CACNG5: variants seen among roughly 807,000 people sequenced by gnomAD.
CACNG5 encodes voltage-dependent calcium channel gamma-5 subunit.
CACNG5 carries 18 observed loss-of-function variants against 24.8 expected under a neutral mutation model. The ratio of observed to expected loss-of-function variants is 0.73; its 90% CI spans 0.50 to 1.08. The LOEUF (loss-of-function observed/expected upper bound fraction) is 1.08, where lower values mean the gene tolerates loss of function less well. CACNG5 is among the 50% of genes least tolerant of loss of function. CACNG5 has a pLI of 0.00. For missense variants in CACNG5, 349 were observed against 367.9 expected (o/e 0.95, Z 0.42); for synonymous variants, 157 against 149.1 (o/e 1.05, Z -0.39).
chr17:66,848,903 A>C (rs1484035915), intron 1 of CACNG5, among the ~76,000 whole-genome samples: 9 of 152,138 alleles, frequency 5.9e-5, no homozygotes. Flanking sequence ...ATTATGGGTG[A>C]CACAGACGCT....
intron 1 of CACNG5, among the ~76,000 whole-genome samples, chr17:66,852,514 A>C (rs568122839): frequency 6.6e-6 from 1 of 152,316 alleles, no homozygotes; most frequent in South Asian, 2.1e-4. Context: ...AGTTTTACCA[A>C]ACCTTTAAGA....
At chr17:66,855,889 T>C (rs1976769257) in intron 1 of CACNG5, among the ~76,000 whole-genome samples, 1 of 152,266 alleles carries the variant, frequency 6.6e-6, no homozygotes, top group Admixed American at 6.5e-5. Flanking sequence ...GTAACTATTA[T>C]TAATATTTTT....
intron 1 of CACNG5, among the ~76,000 whole-genome samples, chr17:66,853,394 A>G (rs1010301058): frequency 1.3e-5 from 2 of 152,202 alleles, no homozygotes; most frequent in African/African-American, 4.8e-5. Flanking sequence ...TGGCAAGAGC[A>G]TGTTTGACTT....
At chr17:66,854,214 G>A (rs550148685) in intron 1 of CACNG5, among the ~76,000 whole-genome samples, 1 of 152,330 alleles carries the variant, frequency 6.6e-6, no homozygotes, top group African/African-American at 2.4e-5. Flanking sequence ...TGGATCACAA[G>A]GTCAGGAGAT....
intron 1 of CACNG5, among the ~76,000 whole-genome samples, chr17:66,849,316 G>T (rs139431244): frequency 1.5e-4 from 23 of 152,104 alleles, no homozygotes; most frequent in South Asian, 8.3e-4. Flanking sequence ...GGGCAGGGGT[G>T]GGGGGAGCCG....
intron 1 of CACNG5, among the ~76,000 whole-genome samples, chr17:66,836,970 G>A (rs1309754196): frequency 2.0e-5 from 3 of 152,226 alleles, no homozygotes; most frequent in African/African-American, 7.2e-5. Flanking sequence ...GGAAGAGACT[G>A]GCCTTAGGTT....
At chr17:66,881,666 T>C (rs1977159732) in intron 4 of CACNG5, among the ~76,000 whole-genome samples, 1 of 152,142 alleles carries the variant, frequency 6.6e-6, no homozygotes, top group South Asian at 2.1e-4. Flanking sequence ...CCAGTGTGAA[T>C]AGGACTATGA....
chr17:66,865,474 C>G (rs1272557906), intron 1 of CACNG5, among the ~76,000 whole-genome samples: 2 of 152,090 alleles, frequency 1.3e-5, no homozygotes, highest in East Asian at 3.8e-4. Flanking sequence ...CAGAGCTGAG[C>G]AGAGCCCAGG....
intron 1 of CACNG5, among the ~76,000 whole-genome samples, chr17:66,857,790 C>T (rs1976802272): frequency 6.6e-6 from 1 of 152,198 alleles, no homozygotes. Flanking sequence ...TGGCTCTTAG[C>T]CTTGGCTGCA....
chr17:66,864,012 AT>A lies in CACNG5; in HGVS notation c.-103-13217del, dbSNP rs760967033. Reference sequence around the variant, plus strand: ...GATATGTCCGGTAACTTTTGATTGAATGCTAGACATCTGTGTGGAACACAAT... The same window carrying A: ...GATATGTCCGGTAACTTTTGATTGAAGCTAGACATCTGTGTGGAACACAAT... On this transcript the variant is annotated intron_variant, in intron 1 of 5. Transcript: ENST00000533854. Among the ~76,000 whole-genome samples, 10 of 152,194 alleles carry A rather than the reference AT, an allele frequency of 6.6e-5. 1 individual carries two copies. In the South Asian group the frequency reaches 8.3e-4, roughly 13 times the overall value.
rs3834579 is a variant in CACNG5 at position 66,876,979 on chromosome 17, CTGAATGAATGAA to C, written c.-103-224_-103-213del. ...CTCCCATGTCTGGCACAATGGGTTG[CTGAATGAATGAA>C]TGAATGAATGAATGAATGAATGAAT... On this transcript the variant is annotated intron_variant, in intron 1 of 5. Coordinates refer to ENST00000533854, the MANE Select transcript of CACNG5 (RefSeq NM_145811.3). 2.1e-3 allele frequency among the ~76,000 whole-genome samples: 307 copies of C among 149,108 alleles called. 2 individuals are homozygous for C. The highest frequency in any genetic ancestry group is 6.5e-3 in the African/African-American group (258 of 39,652).
intron 1 of CACNG5, among the ~76,000 whole-genome samples, chr17:66,844,914 C>G (rs1254909386): frequency 6.6e-6 from 1 of 152,194 alleles, no homozygotes; most frequent in Non-Finnish European, 1.5e-5. Flanking sequence ...ACCAAAATGT[C>G]TAGCATAGGG....
At chr17:66,835,951 T>C (rs996589408) in intron 1 of CACNG5, among the ~76,000 whole-genome samples, 4 of 152,266 alleles carry the variant, frequency 2.6e-5, no homozygotes, top group African/African-American at 9.6e-5. Context: ...ATCTTTGCTC[T>C]CATCCTAATT....
intron 1 of CACNG5, among the ~76,000 whole-genome samples, chr17:66,872,871 C>T (rs1163449241): frequency 6.6e-6 from 1 of 152,190 alleles, no homozygotes; most frequent in Non-Finnish European, 1.5e-5. Flanking sequence ...CACTTGGCCA[C>T]TTCTAAAGAA....
chr17:66,836,041 G>A (rs1360059242), intron 1 of CACNG5, among the ~76,000 whole-genome samples: 1 of 152,238 alleles, frequency 6.6e-6, no homozygotes, highest in Non-Finnish European at 1.5e-5. Flanking sequence ...AAAATGATTT[G>A]AGAAATAATT....
At chr17:66,848,489 C>G (rs1976667298) in intron 1 of CACNG5, among the ~76,000 whole-genome samples, 1 of 152,210 alleles carries the variant, frequency 6.6e-6, no homozygotes, top group Non-Finnish European at 1.5e-5. Context: ...ACCTCATATT[C>G]CCTACCACAT....
At chr17:66,843,641 G>A (rs898401242) in intron 1 of CACNG5, among the ~76,000 whole-genome samples, 1 of 152,110 alleles carries the variant, frequency 6.6e-6, no homozygotes, top group African/African-American at 2.4e-5. Context: ...TTGGAGCAAG[G>A]ATGCTGCAGG....
chr17:66,846,276 A>G (rs942076004), intron 1 of CACNG5, among the ~76,000 whole-genome samples: 1 of 152,180 alleles, frequency 6.6e-6, no homozygotes. Context: ...CATGTTAACC[A>G]TTTTAAAGTG....
Position 66,885,531 on chromosome 17 carries a change from C to G in CACNG5, c.*291C>G, listed in dbSNP as rs1358373987. On this transcript the variant is annotated 3_prime_UTR_variant, in exon 6 of 6. Transcript: ENST00000533854. ...GGCTCCAGGAAGCCAGCAGCTCCCC[C>G]CAAGCCCAGGAGACACCGATGTTCC... The G allele has an allele frequency of 1.4e-5, 6 of 430,396 alleles. No individual in the cohort carries two copies. The highest frequency in any genetic ancestry group is 7.6e-5 in the East Asian group (2 of 26,340). 26.7% of individuals were successfully genotyped at this position (430,396 alleles called of 1,614,324 possible).
Sources: allele counts gnomAD v4.1 joint callset (sites outside exome capture counted in the v4.1 genomes callset), GRCh38; gene constraint gnomAD v4.1.1; transcripts MANE v1.5; gene names NCBI Gene and HGNC (gene_info 2026-07-23, HGNC 2026-07-21).